Variants in ESCO1 observed in about 807,000 individuals in gnomAD.
ESCO1 encodes the protein N-acetyltransferase ESCO1.
Under a neutral mutation model 83.5 loss-of-function variants are expected in ESCO1, and 33 were observed. The observed-to-expected ratio is 0.40, with a 90% CI of 0.30 to 0.53. The LOEUF is 0.53. Among genes scored for constraint, ESCO1 ranks in the 20% least tolerant of loss-of-function variants. The pLI, the probability that ESCO1 is intolerant of heterozygous loss-of-function variation, is 0.63. For synonymous variants in ESCO1, 332 were observed against 324.3 expected (o/e 1.02, Z -0.25); for missense variants, 855 against 968.0 (o/e 0.88, Z 1.55).
chr18:21,594,710 AAAAAGACT>A (rs1446995207), intron 1 of ESCO1, among the ~76,000 whole-genome samples: 1 of 151,712 alleles, frequency 6.6e-6, no homozygotes, highest in Non-Finnish European at 1.5e-5. Flanking sequence ...TCTCAAAAAA[AAAAAGACT>A]AAATTTATCT....
rs774828921 is a variant in ESCO1 at position 21,536,075 on chromosome 18, T to A, written c.2154A>T (p.Val718=). 6.2e-7 allele frequency: 1 copy of A among 1,614,124 alleles called. No individual in the cohort carries two copies. The highest frequency in any genetic ancestry group is 8.5e-7 in the Non-Finnish European group (1 of 1,179,984). ...TATGTTCCGCAATTAGGCAGCCAACTACTTTTTTGTCATTGGAAATGAAGA... is the reference window on the plus strand; with the variant it reads ...TATGTTCCGCAATTAGGCAGCCAACAACTTTTTTGTCATTGGAAATGAAGA... ...TLLFISNDKK[V]VGCLIAEHIQ... Residue 718 remains valine, a synonymous_variant, in exon 10 of 12, where the codon GTA becomes GTT. Coordinates refer to ENST00000269214, the MANE Select transcript of ESCO1 (RefSeq NM_052911.3).
rs538179633 is a variant in ESCO1, at chr18:21,545,676, C to T, written c.1954-5667G>A. Among the ~76,000 whole-genome samples, 3 of 152,166 alleles carry T rather than the reference C, an allele frequency of 2.0e-5. No homozygotes were observed. The South Asian group carries it at 6.2e-4, about 32-fold the overall frequency. ...GGGCGCAGTGGCTCACACTTGTAATCCCAGCACTTTGGGAGGCTGAGGCGG... is the reference window on the plus strand; with the variant it reads ...GGGCGCAGTGGCTCACACTTGTAATTCCAGCACTTTGGGAGGCTGAGGCGG... On this transcript the variant is annotated intron_variant, in intron 8 of 11. Transcript: ENST00000269214.
chr18:21,549,564 A>C (rs1334435369), intron 8 of ESCO1, among the ~76,000 whole-genome samples: 1 of 151,876 alleles, frequency 6.6e-6, no homozygotes, highest in Non-Finnish European at 1.5e-5. Flanking sequence ...ACAGGCAGAC[A>C]CCATCACGCC....
In ESCO1 at chr18:21,530,371, T is replaced by C. The variant is rs2037751763; in HGVS notation, c.2495A>G (p.Asn832Ser). ...CGTGCTATTCTGTCCATTAATAAAATTATATACCAGAAATTGACCAGTGCC... is the reference window on the plus strand; with the variant it reads ...CGTGCTATTCTGTCCATTAATAAAACTATATACCAGAAATTGACCAGTGCC... ...YCGTGQFLVY[N>S]FINGQNST is the part of the protein sequence containing the mutation. Residue 832 changes from asparagine to serine, a missense_variant, in exon 12 of 12, where the codon AAT becomes AGT. Asn to Ser is a conservative substitution (Grantham distance 46). This residue lies in a region of ESCO1 where 129 missense variants were observed against 268.5 expected (regional missense o/e 0.48). Coordinates refer to ENST00000269214, the MANE Select transcript of ESCO1 (RefSeq NM_052911.3). The C allele has an allele frequency of 1.2e-6, 2 of 1,605,470 alleles. No homozygotes were observed. The highest frequency in any genetic ancestry group is 1.7e-6 in the Non-Finnish European group (2 of 1,177,530).
chr18:21,546,381 G>A (rs1340406505), intron 8 of ESCO1, among the ~76,000 whole-genome samples: 1 of 145,410 alleles, frequency 6.9e-6, no homozygotes, highest in Non-Finnish European at 1.5e-5. Flanking sequence ...GTGAAACCCT[G>A]CCTCCACCAA....
chr18:21,565,465 G>C (rs931229654), intron 6 of ESCO1, among the ~76,000 whole-genome samples: 8 of 152,162 alleles, frequency 5.3e-5, no homozygotes, highest in African/African-American at 1.9e-4. Flanking sequence ...CTGACAATGC[G>C]GGATAAGTTC....
At chr18:21,576,191 G>GA (rs1291266221) in intron 2 of ESCO1, among the ~76,000 whole-genome samples, 62 of 150,598 alleles carry the variant, frequency 4.1e-4, no homozygotes, top group Admixed American at 3.7e-3. Flanking sequence ...AACCCTACTG[G>GA]AAAAAAAAAG....
intron 8 of ESCO1, among the ~76,000 whole-genome samples, chr18:21,550,087 G>T (rs1282687239): frequency 6.6e-6 from 1 of 152,074 alleles, no homozygotes; most frequent in East Asian, 1.9e-4. Context: ...ATGTCTAAAT[G>T]AACTGATTTT....
Position 21,532,664 on chromosome 18 carries a change from C to G in ESCO1, c.2188-4G>C. 1 of 1,605,876 alleles carries G rather than the reference C, an allele frequency of 6.2e-7. No individual in the cohort carries two copies. The highest frequency in any genetic ancestry group is 8.5e-7 in the Non-Finnish European group (1 of 1,175,790). On this transcript the variant is annotated splice_polypyrimidine_tract_variant and splice_region_variant and intron_variant, in intron 10 of 11. Transcript: ENST00000269214. ...TCTCTTCTATAACTCTGTAGCCCTA[C>G]AGGTGTCAAAAATGGGGAAAAAATT...
Position 21,585,685 on chromosome 18 carries a change from T to G in ESCO1, c.-824-1245A>C, listed in dbSNP as rs150452723. Among the ~76,000 whole-genome samples the G allele has an allele frequency of 3.0e-3, 457 of 152,222 alleles. 1 individual carries two copies. The highest frequency in any genetic ancestry group is 6.8e-3 in the Middle Eastern group (2 of 294). On this transcript the variant is annotated intron_variant, in intron 1 of 11. Coordinates refer to ENST00000269214, the MANE Select transcript of ESCO1 (RefSeq NM_052911.3). ...GTTGCCCAGGCAAGTCTCAAACTCC[T>G]GGCCCCAAGTGATCATCCCATCTCA...
intron 2 of ESCO1, among the ~76,000 whole-genome samples, chr18:21,576,785 A>G (rs1322170689): frequency 1.3e-5 from 2 of 152,216 alleles, no homozygotes; most frequent in South Asian, 2.1e-4. Flanking sequence ...CTGTAATCCC[A>G]GCACTTTGGG....
intron 10 of ESCO1, 48 bp downstream of exon 10, chr18:21,535,994 A>G: frequency 1.3e-6 from 2 of 1,593,790 alleles, no homozygotes; most frequent in East Asian, 2.2e-5. Flanking sequence ...ATTACGTTGT[A>G]AACTCATTAA....
intron 9 of ESCO1, among the ~76,000 whole-genome samples, chr18:21,537,057 TG>T (rs1192662247): frequency 6.6e-6 from 1 of 152,208 alleles, no homozygotes; most frequent in Non-Finnish European, 1.5e-5. Context: ...AACTTTCCCA[TG>T]TCAGATATTA....
At chr18:21,547,452 A>T (rs1338713189) in intron 8 of ESCO1, among the ~76,000 whole-genome samples, 1 of 151,986 alleles carries the variant, frequency 6.6e-6, no homozygotes, top group East Asian at 1.9e-4. Context: ...AGTTAAGCTC[A>T]CTTTCTTTTC....
At position 21,591,523 on chromosome 18, in the gene ESCO1, T is replaced by C. The variant is rs2038668319; in HGVS notation, c.-824-7083A>G. Among the ~76,000 whole-genome samples, 5 of 152,346 alleles carry C rather than the reference T, an allele frequency of 3.3e-5. No individual in the cohort carries two copies. The South Asian group carries it at 6.2e-4, about 19-fold the overall frequency. ...ATTCTTTACACATCTCTTTTAAGGT[T>C]TATGCCATTCTGCTATCAAACTTTC... On this transcript the variant is annotated intron_variant, in intron 1 of 11. Transcript: ENST00000269214.
In ESCO1 at chr18:21,554,262, A is replaced by T. The variant is rs117846082; in HGVS notation, c.1953+6597T>A. ...TTCTTACAAAACTAAACACACTCTT[A>T]CCATACGATCCAGCAATCAAGCGTC... On this transcript the variant is annotated intron_variant, in intron 8 of 11. Transcript: ENST00000269214. 9.3e-3 allele frequency among the ~76,000 whole-genome samples: 1,416 copies of T among 152,354 alleles called. 11 individuals are homozygous for T. The highest frequency in any genetic ancestry group is 0.015 in the Non-Finnish European group (1,026 of 68,028).
intron 1 of ESCO1, among the ~76,000 whole-genome samples, chr18:21,599,448 A>C (rs1389266286): frequency 6.6e-6 from 1 of 152,214 alleles, no homozygotes. Flanking sequence ...GTTCACTGCA[A>C]CCTGGATGTT....
intron 8 of ESCO1, among the ~76,000 whole-genome samples, chr18:21,551,426 G>A (rs1423648520): frequency 5.9e-5 from 9 of 151,766 alleles, no homozygotes; most frequent in Admixed American, 6.6e-5. Context: ...GCGAGACTCC[G>A]TCTCAAAAAA....
At position 21,562,878 on chromosome 18, in the gene ESCO1, T is replaced by A. The variant is rs549380076; in HGVS notation, c.1821+1325A>T. On this transcript the variant is annotated intron_variant, in intron 7 of 11. Coordinates refer to ENST00000269214, the MANE Select transcript of ESCO1 (RefSeq NM_052911.3). ...TACATTAAGTTCCATGTTATTATTT[T>A]TTTTTTTTTTGAGATGGAGTATCGC... Among the ~76,000 whole-genome samples, 242 of 152,102 alleles carry A rather than the reference T, an allele frequency of 1.6e-3. 3 individuals are homozygous for A. The highest frequency in any genetic ancestry group is 5.6e-3 in the African/African-American group (231 of 41,514).
Sources: gnomAD v4.1 joint callset for allele counts (sites outside exome capture counted in the v4.1 genomes callset) on GRCh38, gnomAD v4.1.1 for gene constraint, gnomAD v4.1.1 regional missense constraint, MANE v1.5 for transcripts, NCBI Gene and HGNC (gene_info 2026-07-23, HGNC 2026-07-21) for gene names.